The following KRT26 variants were observed in gnomAD, a reference collection of about 807,000 sequenced individuals.
KRT26 encodes keratin, type I cytoskeletal 26.
KRT26 carries 45 observed loss-of-function variants against 46.1 expected under a neutral mutation model. That is an observed-to-expected ratio of 0.98 (90% CI 0.77 to 1.25). The LOEUF (loss-of-function observed/expected upper bound fraction) is 1.25. Among genes scored for constraint, KRT26 ranks in the 50% most tolerant of loss-of-function variants. KRT26 has a pLI of 0.00. For synonymous variants in KRT26, 191 were observed against 209.9 expected, an observed-to-expected ratio of 0.91 and a Z score of 0.78; for missense variants, 582 against 560.1, an observed-to-expected ratio of 1.04 and a Z score of -0.39.
chr17:40,769,053 T>G, exon 6 of KRT26: 1 of 1,614,074 alleles, frequency 6.2e-7, no homozygotes. Context: ...TTGATTGCAG[T>G]AATTTCCTTC....
chr17:40,767,924 C>T (rs1361036278), intron 6 of KRT26, among the ~76,000 whole-genome samples: 1 of 152,146 alleles, frequency 6.6e-6, no homozygotes, highest in Admixed American at 6.5e-5. Context: ...ATCAACTGGC[C>T]AGTGAATGTG....
intron 2 of KRT26, 147 bp downstream of exon 2, chr17:40,771,006 TA>T: frequency 2.0e-6 from 1 of 504,240 alleles, no homozygotes. Flanking sequence ...TAGCTCTTTT[TA>T]TAACGGCTTA....
exon 1 of KRT26, chr17:40,771,941 T>C (rs2038225551): frequency 1.9e-6 from 3 of 1,614,066 alleles, no homozygotes; most frequent in African/African-American, 1.3e-5. Flanking sequence ...TCCACCGCTA[T>C]TGCAGAAGCT....
At chr17:40,766,270 A>G (rs1224368498) in exon 8 of KRT26, 2 of 322,110 alleles carry the variant, frequency 6.2e-6, no homozygotes, top group African/African-American at 4.3e-5. Flanking sequence ...GAAATGTCAA[A>G]AAAGGCCCCC....
At chr17:40,771,713 T>C (rs772529281) in exon 1 of KRT26, 23 of 1,614,118 alleles carry the variant, frequency 1.4e-5, no homozygotes, top group East Asian at 8.9e-5. Flanking sequence ...GTATCTGCTA[T>C]AGTCATGATC....
exon 1 of KRT26, chr17:40,771,890 T>C: frequency 6.2e-7 from 1 of 1,614,160 alleles, no homozygotes. Flanking sequence ...GAGGCTGTGC[T>C]CATTGCCAAG....
At position 40,766,395 on chromosome 17, in the gene KRT26, A is replaced by C. The variant is rs907286869; in HGVS notation, c.*120T>G. 1.3e-5 allele frequency: 10 copies of C among 773,294 alleles called. 1 individual carries two copies. The Admixed American group carries it at 1.8e-4, about 14-fold the overall frequency. 47.9% of individuals were successfully genotyped at this position (773,294 alleles called of 1,614,324 possible). ...AGAACAAATTCTAGCCCTTTTAAGAACAGAAATGAATAATTTCCTTAGGTT... is the reference window on the plus strand; with the variant it reads ...AGAACAAATTCTAGCCCTTTTAAGACCAGAAATGAATAATTTCCTTAGGTT... On this transcript the variant is annotated 3_prime_UTR_variant, in exon 8 of 8. Transcript: ENST00000335552.
At chr17:40,771,697 T>G (rs996590741) in exon 1 of KRT26, 3 of 1,613,676 alleles carry the variant, frequency 1.9e-6, no homozygotes, top group African/African-American at 2.7e-5. Flanking sequence ...CTTCTATGAC[T>G]GAGAAGTATC....
At chr17:40,770,673 T>G (rs2144147742) in intron 2 of KRT26, among the ~76,000 whole-genome samples, 1 of 152,314 alleles carries the variant, frequency 6.6e-6, no homozygotes, top group South Asian at 2.1e-4. Flanking sequence ...TTTTAAAAAA[T>G]ATGTGATTGC....
At position 40,769,788 on chromosome 17, in the gene KRT26, G is replaced by A. The variant is rs148562857; in HGVS notation, c.935C>T (p.Thr312Ile). The A allele has an allele frequency of 1.9e-6, 3 of 1,614,048 alleles. No homozygotes were observed. In the African/African-American group the frequency reaches 4.0e-5, roughly 22 times the overall value. The change falls in exon 5 of 8, where the codon ACC becomes ATC. Residue 312 changes from threonine (T) to isoleucine (I), a missense_variant. Physicochemically the swap from Thr to Ile is moderately conservative, Grantham distance 89. Transcript: ENST00000335552. ...GAGGGACTGAAGTTCTATTTCCAGGGTTTGCAGATTGCGTTTTAATTCGGT... is the reference window on the plus strand; with the variant it reads ...GAGGGACTGAAGTTCTATTTCCAGGATTTGCAGATTGCGTTTTAATTCGGT...
In KRT26 at chr17:40,769,993, G is replaced by GGTTCT. The variant is rs1567674021; in HGVS notation, c.806_810dup (p.Lys272ThrfsTer34). On this transcript the variant is annotated frameshift_variant, in exon 4 of 8. Transcript: ENST00000335552. LOFTEE classifies it high-confidence loss of function. ...TTGAACCAGGCTTCAGCATCTTTGC[G>GGTTCT]GTTCTGCTCAGCCAAGTCCTCATAC... 6.2e-7 allele frequency: 1 copy of GGTTCT among 1,614,132 alleles called. No homozygotes were observed. The highest frequency in any genetic ancestry group is 1.3e-5 in the African/African-American group (1 of 75,018).
At chr17:40,766,875 G>T (rs1459960327) in intron 7 of KRT26, among the ~76,000 whole-genome samples, 2 of 152,074 alleles carry the variant, frequency 1.3e-5, no homozygotes, top group African/African-American at 4.8e-5. Flanking sequence ...GAGTAGCTGG[G>T]ATTACAGATG....
chr17:40,771,971 T>C (rs1194835544), exon 1 of KRT26: 1 of 1,614,004 alleles, frequency 6.2e-7, no homozygotes, highest in East Asian at 2.2e-5. Context: ...AGAGATGCCC[T>C]CAAGAGTACA....
rs1406326856 is a variant in KRT26 at position 40,770,248 on chromosome 17, C to T, written c.681+5G>A. 6.2e-7 allele frequency: 1 copy of T among 1,614,024 alleles called. No individual in the cohort carries two copies. Among genetic ancestry groups the T allele is most frequent in the Non-Finnish European group, 8.5e-7 (1 of 1,180,002 alleles). ...TGTATGAAGCCACTCTGCAGGCTTC[C>T]TTACCTCCTCATGACTTTTTTTGAG... On this transcript the variant is annotated splice_donor_5th_base_variant and intron_variant, in intron 3 of 7. Transcript: ENST00000335552.
exon 1 of KRT26, chr17:40,772,134 A>C (rs754507419): frequency 6.2e-7 from 1 of 1,606,600 alleles, no homozygotes; most frequent in Non-Finnish European, 8.5e-7. Flanking sequence ...CAGCCGGGCA[A>C]CCCCTTCCCA....
chr17:40,770,487 C>T (rs1159118940), intron 2 of KRT26, 78 bp from the exon 3 acceptor site: 2 of 1,173,212 alleles, frequency 1.7e-6, no homozygotes, highest in African/African-American at 1.5e-5. Flanking sequence ...ATTTCATATG[C>T]TGAAAGATAT....
chr17:40,766,584 T>G (rs1467041252), exon 8 of KRT26: 2 of 1,613,330 alleles, frequency 1.2e-6, no homozygotes, highest in Non-Finnish European at 1.7e-6. Context: ...TTTCTTCAAC[T>G]GAGTGGACTC....
intron 5 of KRT26, 143 bp from the exon 6 acceptor site, chr17:40,769,239 C>A: frequency 1.8e-6 from 1 of 559,390 alleles, no homozygotes. Flanking sequence ...CTCACTGCAG[C>A]CTCTCTTCCT....
chr17:40,771,929 C>A, exon 1 of KRT26: 1 of 1,614,174 alleles, frequency 6.2e-7, no homozygotes, highest in East Asian at 2.2e-5. Flanking sequence ...ACTTCCCAAC[C>A]CTCCACCGCT....
Sources: gnomAD v4.1 joint callset for allele counts (sites outside exome capture counted in the v4.1 genomes callset) on GRCh38, gnomAD v4.1.1 for gene constraint, MANE v1.5 for transcripts, NCBI Gene and HGNC (gene_info 2026-07-23, HGNC 2026-07-21) for gene names.